The following GRIA3 variants were observed in gnomAD, a reference collection of about 807,000 sequenced individuals.
GRIA3 encodes glutamate receptor 3.
GRIA3 carries 3 observed loss-of-function variants against 63.0 expected under a neutral mutation model. The ratio of observed to expected loss-of-function variants is 0.05; its 90% confidence interval spans 0.02 to 0.12. GRIA3 has a LOEUF of 0.12. Ranked by LOEUF, GRIA3 falls within the 10% of genes least tolerant of loss-of-function variation. The pLI, the probability that GRIA3 is intolerant of heterozygous loss-of-function variation, is 1.00. For synonymous variants in GRIA3, 274 were observed against 257.9 expected (o/e 1.06, Z -0.60); for missense variants, 347 against 700.9 (o/e 0.50, Z 5.70).
chrX:123,402,956 G>T (rs764691651), intron 7 of GRIA3, 38 bp from the exon 8 acceptor site: 2 of 743,690 alleles, frequency 2.7e-6, no homozygotes, highest in Middle Eastern at 2.9e-4. Context: ...CAATAATGCC[G>T]TGCTATTTTT....
chrX:123,453,104 C>G (rs192001766), intron 12 of GRIA3, among the ~76,000 whole-genome samples: 2 of 111,606 alleles, frequency 1.8e-5, no homozygotes, highest in Admixed American at 1.9e-4. Flanking sequence ...ATGTTTATTG[C>G]GACACTATTC....
chrX:123,239,383 C>T (rs892179878), intron 2 of GRIA3, among the ~76,000 whole-genome samples: 14 of 110,308 alleles, frequency 1.3e-4, no homozygotes, highest in African/African-American at 2.3e-4. Flanking sequence ...AAATACTGAC[C>T]GCATGTTTCC....
chrX:123,425,710 G>A (rs745917937), intron 11 of GRIA3, among the ~76,000 whole-genome samples: 1 of 111,728 alleles, frequency 9.0e-6, no homozygotes, highest in African/African-American at 3.2e-5. Flanking sequence ...TCCTGAGATA[G>A]TGTAACTGTT....
chrX:123,326,718 T>C (rs1342872852), intron 4 of GRIA3, among the ~76,000 whole-genome samples: 1 of 111,503 alleles, frequency 9.0e-6, no homozygotes, highest in African/African-American at 3.3e-5. Context: ...ACTCACCAAG[T>C]TTTGAATTTG....
intron 15 of GRIA3, among the ~76,000 whole-genome samples, chrX:123,484,446 T>C (rs772952149): frequency 3.6e-5 from 4 of 111,424 alleles, no homozygotes; most frequent in South Asian, 3.8e-4. Flanking sequence ...TTGTTGTTGT[T>C]GTTGTTTTGT....
intron 13 of GRIA3, among the ~76,000 whole-genome samples, chrX:123,471,516 C>T (rs1331306886): frequency 9.0e-6 from 1 of 111,475 alleles, no homozygotes; most frequent in Non-Finnish European, 1.9e-5. Flanking sequence ...GAAAGAGCCA[C>T]AGGAATGAAA....
rs1031010392 is a variant in GRIA3 at position 123,292,605 on chromosome X, G to A, written c.509-33421G>A. Among the ~76,000 whole-genome samples the A allele has an allele frequency of 1.6e-4, 18 of 111,112 alleles. 1 individual carries two copies. The highest frequency in any genetic ancestry group is 9.6e-5 in the Admixed American group (1 of 10,414). The stretch of plus-strand genomic sequence containing the variant: ...TCTCTCCAAGGAAAGATAAATAAAC[G>A]GCTCTCACAAAAGAACGAGTCTTTG... On this transcript the variant is annotated intron_variant, in intron 3 of 15. Transcript: ENST00000620443.
chrX:123,402,104 T>G (rs1357437569), intron 7 of GRIA3, among the ~76,000 whole-genome samples: 2 of 110,916 alleles, frequency 1.8e-5, no homozygotes, highest in Non-Finnish European at 3.8e-5. Flanking sequence ...CTTCTACATT[T>G]CTTGTCTAGT....
chrX:123,231,546 A>T (rs1427588268), intron 2 of GRIA3, among the ~76,000 whole-genome samples: 2 of 111,994 alleles, frequency 1.8e-5, no homozygotes, highest in African/African-American at 6.5e-5. Context: ...TGGCAAATTA[A>T]TTATTTATAA....
chrX:123,381,237 G>A (rs141875540), intron 5 of GRIA3, among the ~76,000 whole-genome samples: 1,242 of 111,421 alleles, frequency 0.011, 19 homozygotes, highest in African/African-American at 0.038. Flanking sequence ...AAGAGGTTAT[G>A]GGGTCAGTAA....
At chrX:123,331,477 T>C (rs1345492271) in intron 4 of GRIA3, among the ~76,000 whole-genome samples, 4 of 111,588 alleles carry the variant, frequency 3.6e-5, no homozygotes, top group African/African-American at 6.5e-5. Flanking sequence ...GTCTAGAAAT[T>C]GTGGTCACTA....
At chrX:123,397,084 A>G (rs2045418443) in intron 6 of GRIA3, among the ~76,000 whole-genome samples, 1 of 112,166 alleles carries the variant, frequency 8.9e-6, no homozygotes, top group African/African-American at 3.2e-5. Context: ...AGCCAATCTC[A>G]GCTCTGGACT....
chrX:123,486,039 G>A (rs764984393), intron 15 of GRIA3, among the ~76,000 whole-genome samples: 1 of 106,589 alleles, frequency 9.4e-6, no homozygotes, highest in African/African-American at 3.4e-5. Flanking sequence ...GAGGGATAGA[G>A]ATACAGGAAG....
At chrX:123,297,936 T>C (rs900786304) in intron 3 of GRIA3, among the ~76,000 whole-genome samples, 2 of 110,597 alleles carry the variant, frequency 1.8e-5, no homozygotes, top group African/African-American at 6.6e-5. Flanking sequence ...CTGTGTGTTC[T>C]CATCATTTAG....
At chrX:123,450,660 G>A (rs1226377645) in intron 12 of GRIA3, among the ~76,000 whole-genome samples, 1 of 112,776 alleles carries the variant, frequency 8.9e-6, no homozygotes, top group Non-Finnish European at 1.9e-5. Flanking sequence ...TGTTGTAAGG[G>A]CTCAAAACCA....
intron 5 of GRIA3, among the ~76,000 whole-genome samples, chrX:123,382,238 G>T (rs753600678): frequency 5.9e-4 from 66 of 111,059 alleles, no homozygotes; most frequent in African/African-American, 2.1e-3. Context: ...GGGGCTGTTA[G>T]TGCTTTCTGT....
chrX:123,395,630 C>A (rs1363876070), intron 6 of GRIA3, among the ~76,000 whole-genome samples: 2 of 111,527 alleles, frequency 1.8e-5, no homozygotes, highest in Non-Finnish European at 3.8e-5. Context: ...GCTAAAGTAT[C>A]TTAGAAAATA....
At chrX:123,305,055 T>C (rs979290581) in intron 3 of GRIA3, among the ~76,000 whole-genome samples, 2 of 111,622 alleles carry the variant, frequency 1.8e-5, no homozygotes, top group Non-Finnish European at 3.8e-5. Flanking sequence ...ATGTTAAATA[T>C]TTCTGAGGAT....
intron 3 of GRIA3, among the ~76,000 whole-genome samples, chrX:123,318,690 A>G (rs911810278): frequency 4.5e-5 from 5 of 111,890 alleles, no homozygotes; most frequent in African/African-American, 1.6e-4. Context: ...GCAATTCGAC[A>G]AGTCTCTAGG....
Sources: gnomAD v4.1 joint callset for allele counts (sites outside exome capture counted in the v4.1 genomes callset) on GRCh38, gnomAD v4.1.1 for gene constraint, MANE v1.5 for transcripts, NCBI Gene and HGNC (gene_info 2026-07-23, HGNC 2026-07-21) for gene names.